The following CDH13 variants were observed in gnomAD, a reference collection of about 807,000 sequenced individuals.
CDH13 encodes cadherin-13.
A neutral mutation model predicts 63.8 loss-of-function variants in CDH13; 24 were observed. That is an observed-to-expected ratio of 0.38 (90% CI 0.27 to 0.53). CDH13 has a LOEUF of 0.53. CDH13 is among the 20% of genes least tolerant of loss of function. The pLI is 0.85. For missense variants in CDH13, 1,049 were observed against 903.1 expected (o/e 1.16, Z -2.07); for synonymous variants, 503 against 355.3 (o/e 1.42, Z -4.67).
chr16:82,710,207 ATTAAT>A (rs564896761), intron 1 of CDH13, among the ~76,000 whole-genome samples: 8,688 of 146,810 alleles, frequency 0.059, 335 homozygotes, highest in Middle Eastern at 0.086. Context: ...TATATATTAC[ATTAAT>A]TTATATTTAT....
chr16:83,615,963 T>C (rs1022531377), intron 8 of CDH13, among the ~76,000 whole-genome samples: 16 of 152,180 alleles, frequency 1.1e-4, no homozygotes, highest in African/African-American at 3.9e-4. Flanking sequence ...CACGAAATCA[T>C]CAACTAAATC....
intron 7 of CDH13, among the ~76,000 whole-genome samples, chr16:83,511,992 G>C (rs78144137): frequency 0.026 from 4,032 of 152,154 alleles, 174 homozygotes; most frequent in African/African-American, 0.091. Flanking sequence ...CTCAGTAAGT[G>C]TTAGCTAATA....
At chr16:82,865,521 C>G (rs954617949) in intron 2 of CDH13, among the ~76,000 whole-genome samples, 16 of 152,234 alleles carry the variant, frequency 1.1e-4, no homozygotes, top group African/African-American at 3.9e-4. Context: ...AAACAATAGC[C>G]TGAACTGTAT....
At chr16:83,511,906 C>T (rs1297806429) in intron 7 of CDH13, among the ~76,000 whole-genome samples, 4 of 152,138 alleles carry the variant, frequency 2.6e-5, no homozygotes, top group African/African-American at 9.7e-5. Context: ...ACCTCTCATA[C>T]CCTCGAAAGG....
intron 8 of CDH13, among the ~76,000 whole-genome samples, chr16:83,661,118 C>T (rs1247800110): frequency 6.6e-6 from 1 of 150,836 alleles, no homozygotes; most frequent in Non-Finnish European, 1.5e-5. Context: ...ATATAATTAA[C>T]AGATTCCTCA....
chr16:83,450,920 C>G (rs1185664164), intron 6 of CDH13, among the ~76,000 whole-genome samples: 12 of 152,138 alleles, frequency 7.9e-5, no homozygotes, highest in Admixed American at 7.2e-4. Context: ...AACAGTAGTT[C>G]TCAGCCTTGT....
At chr16:83,443,269 C>T (rs941405333) in intron 6 of CDH13, among the ~76,000 whole-genome samples, 12 of 152,134 alleles carry the variant, frequency 7.9e-5, no homozygotes, top group African/African-American at 2.9e-4. Flanking sequence ...CCTGGGGAGG[C>T]CACGCCTCTG....
intron 6 of CDH13, among the ~76,000 whole-genome samples, chr16:83,410,826 G>C (rs950920458): frequency 2.0e-5 from 3 of 152,096 alleles, no homozygotes; most frequent in Admixed American, 1.3e-4. Context: ...TCCTAGTATT[G>C]AGTGCCCACT....
At chr16:82,861,944 A>G (rs1278603189) in intron 2 of CDH13, among the ~76,000 whole-genome samples, 1 of 152,224 alleles carries the variant, frequency 6.6e-6, no homozygotes, top group African/African-American at 2.4e-5. Context: ...CAGTCTTGAA[A>G]GTTTATCTGG....
At chr16:82,758,698 C>T (rs1224108149) in intron 1 of CDH13, among the ~76,000 whole-genome samples, 3 of 152,198 alleles carry the variant, frequency 2.0e-5, no homozygotes, top group African/African-American at 4.8e-5. Context: ...TAAATGTAGG[C>T]ACTTTCTTCT....
intron 5 of CDH13, among the ~76,000 whole-genome samples, chr16:83,342,602 A>C (rs906614776): frequency 2.0e-5 from 3 of 152,172 alleles, no homozygotes; most frequent in African/African-American, 7.2e-5. Flanking sequence ...TCAGCTCCAC[A>C]TTCTGTATTC....
chr16:83,690,256 C>T (rs1489738497), intron 10 of CDH13, among the ~76,000 whole-genome samples: 1 of 152,102 alleles, frequency 6.6e-6, no homozygotes, highest in Admixed American at 6.6e-5. Context: ...TTAATAAATA[C>T]AATAAGTAGC....
At chr16:83,239,578 A>C (rs1330262696) in intron 5 of CDH13, among the ~76,000 whole-genome samples, 1 of 152,208 alleles carries the variant, frequency 6.6e-6, no homozygotes, top group East Asian at 1.9e-4. Flanking sequence ...CAGCACACAA[A>C]GAAAATAGGC....
chr16:82,705,109 CA>C (rs775349395), intron 1 of CDH13: 9 of 455,816 alleles, frequency 2.0e-5, no homozygotes, highest in South Asian at 1.4e-4. Context: ...TGCAATTTAT[CA>C]AAAATAAAGC....
intron 6 of CDH13, among the ~76,000 whole-genome samples, chr16:83,458,764 G>A (rs919518736): frequency 6.6e-6 from 1 of 152,054 alleles, no homozygotes; most frequent in African/African-American, 2.4e-5. Context: ...CCAATGGTGC[G>A]ATTGCTCATT....
intron 1 of CDH13, among the ~76,000 whole-genome samples, chr16:82,775,135 T>C (rs1303353881): frequency 2.6e-5 from 4 of 152,194 alleles, no homozygotes; most frequent in African/African-American, 4.8e-5. Flanking sequence ...ACCTCGGCTG[T>C]CTTATCTGTG....
chr16:83,014,450 G>A (rs117844563), intron 2 of CDH13, among the ~76,000 whole-genome samples: 4,913 of 150,888 alleles, frequency 0.033, 113 homozygotes, highest in Non-Finnish European at 0.048. Flanking sequence ...AAAGGTATTT[G>A]TGGCCGACCA....
chr16:83,469,133 A>G (rs2073392291), intron 6 of CDH13, among the ~76,000 whole-genome samples: 1 of 152,194 alleles, frequency 6.6e-6, no homozygotes, highest in Non-Finnish European at 1.5e-5. Context: ...GCAGAAGCAG[A>G]AAGTTCAAGG....
At chr16:83,595,478 C>G (rs1310232945) in intron 7 of CDH13, among the ~76,000 whole-genome samples, 1 of 152,140 alleles carries the variant, frequency 6.6e-6, no homozygotes, top group Non-Finnish European at 1.5e-5. Context: ...GGACACATAG[C>G]CTTCATATTA....
Sources: allele counts gnomAD v4.1 joint callset (sites outside exome capture counted in the v4.1 genomes callset), GRCh38; gene constraint gnomAD v4.1.1; transcripts MANE v1.5; gene names NCBI Gene and HGNC (gene_info 2026-07-23, HGNC 2026-07-21).